TOPBP1: variants seen among roughly 807,000 people sequenced by gnomAD.
TOPBP1 encodes the protein DNA topoisomerase 2-binding protein 1.
In TOPBP1, 28 loss-of-function variants were observed where a neutral mutation model predicts 167.7. That is an observed-to-expected ratio of 0.17 (90% CI 0.12 to 0.23). The LOEUF (loss-of-function observed/expected upper bound fraction) is 0.23, where lower values mean the gene tolerates loss of function less well. TOPBP1 is among the 10% of genes least tolerant of loss of function. TOPBP1 has a pLI of 1.00. For synonymous variants in TOPBP1, 598 were observed against 611.4 expected, an observed-to-expected ratio of 0.98 and a Z score of 0.32; for missense variants, 1,554 against 1,809.6, an observed-to-expected ratio of 0.86 and a Z score of 2.56.
chr3:133,610,636 T>C (rs1261098855), intron 25 of TOPBP1, among the ~76,000 whole-genome samples: 7 of 135,394 alleles, frequency 5.2e-5, no homozygotes, highest in Non-Finnish European at 9.5e-5. Context: ...GATTAAAATT[T>C]AAAAAAAAAA....
At chr3:133,624,249 T>G in intron 16 of TOPBP1, 74 bp from the exon 17 acceptor site, 1 of 1,534,310 alleles carries the variant, frequency 6.5e-7, no homozygotes. Context: ...TCTTATTTAC[T>G]GTGAACAGAA....
intron 21 of TOPBP1, 186 bp downstream of exon 21, chr3:133,618,027 A>G (rs1934956551): frequency 7.0e-6 from 4 of 570,740 alleles, no homozygotes; most frequent in Non-Finnish European, 9.3e-6. Flanking sequence ...TTTTCAATTT[A>G]CTGATGAAGT....
At chr3:133,625,054 C>T (rs984169063) in intron 16 of TOPBP1, among the ~76,000 whole-genome samples, 4 of 152,206 alleles carry the variant, frequency 2.6e-5, no homozygotes, top group African/African-American at 9.6e-5. Flanking sequence ...GCAATCTCCA[C>T]CTCCCGGGTT....
chr3:133,620,329 T>A lies in TOPBP1; in HGVS notation c.3197A>T (p.Glu1066Val). 6.2e-7 allele frequency: 1 copy of A among 1,613,786 alleles called. No individual in the cohort carries two copies. Among genetic ancestry groups the A allele is most frequent in the East Asian group, 2.2e-5 (1 of 44,878 alleles). ...DSKGVLTQTL[E>V]MRENFQKQLQ... is the part of the protein sequence containing the mutation. ...CTGCTTCTGAAAGTTCTCTCTCATC[T>A]CTAAGGTCTGTGTCAGAACTTGAAA... Residue 1066 changes from glutamate (E) to valine (V), a missense_variant, in exon 20 of 28, where the codon GAG becomes GTG. By Grantham distance (121) the Glu-to-Val change is moderately radical. Coordinates refer to ENST00000260810, the MANE Select transcript of TOPBP1 (RefSeq NM_007027.4).
intron 19 of TOPBP1, among the ~76,000 whole-genome samples, chr3:133,620,576 C>CTTTTTT: frequency 7.4e-6 from 1 of 135,080 alleles, no homozygotes; most frequent in Non-Finnish European, 1.6e-5. Context: ...CCTTCAAATA[C>CTTTTTT]TTTTTTTTTT....
At chr3:133,621,779 GA>G (rs1225995421) in intron 19 of TOPBP1, among the ~76,000 whole-genome samples, 4 of 152,184 alleles carry the variant, frequency 2.6e-5, no homozygotes, top group African/African-American at 9.7e-5. Context: ...AAGTCATAGG[GA>G]AAGCTTTGGT....
intron 24 of TOPBP1, 65 bp downstream of exon 24, chr3:133,612,324 G>C: frequency 6.3e-7 from 1 of 1,581,986 alleles, no homozygotes; most frequent in Non-Finnish European, 8.6e-7. Context: ...ACAGGTGTGA[G>C]CCACTGCACC....
intron 7 of TOPBP1, among the ~76,000 whole-genome samples, chr3:133,652,832 T>C (rs530234297): frequency 6.6e-6 from 1 of 152,210 alleles, no homozygotes; most frequent in African/African-American, 2.4e-5. Flanking sequence ...TAAATGAAAA[T>C]AGATTTAACA....
intron 14 of TOPBP1, among the ~76,000 whole-genome samples, chr3:133,632,740 G>T (rs1163311215): frequency 6.6e-6 from 1 of 151,984 alleles, no homozygotes; most frequent in Non-Finnish European, 1.5e-5. Flanking sequence ...TCATCAATTG[G>T]CTCTCTAATG....
chr3:133,651,171 C>CTTTTTTT, intron 8 of TOPBP1, among the ~76,000 whole-genome samples: 1 of 82,086 alleles, frequency 1.2e-5, no homozygotes, highest in Non-Finnish European at 2.2e-5. Context: ...CCGAATTTCC[C>CTTTTTTT]TTTTTTTTTT....
Position 133,612,532 on chromosome 3 carries a change from G to T in TOPBP1, c.3892C>A (p.Gln1298Lys). Residue 1298 changes from glutamine to lysine, a missense_variant, in exon 24 of 28, where the codon CAG (glutamine) becomes AAG (lysine). By Grantham distance (53) the Gln-to-Lys change is moderately conservative (BLOSUM62 1). Around this residue, in one of 3 missense-constraint regions of TOPBP1, gnomAD observed 351 missense variants for 432.9 expected, o/e 0.81. Transcript: ENST00000260810. ...TGTGTACAGGTGGGATCAAAGCACT[G>T]CTTTTCTATCACCAATCCACCTTAA... ...EKLGGLVIEK[Q>K]CFDPTCTHIV... 6.2e-7 allele frequency: 1 copy of T among 1,613,318 alleles called. No individual in the cohort carries two copies. The highest frequency in any genetic ancestry group is 8.5e-7 in the Non-Finnish European group (1 of 1,179,580).
intron 25 of TOPBP1, 47 bp downstream of exon 25, chr3:133,610,957 C>T (rs527826169): frequency 2.0e-6 from 3 of 1,469,110 alleles, no homozygotes; most frequent in South Asian, 3.1e-5. Context: ...GAAAGAGTCA[C>T]AATATTGAAT....
intron 10 of TOPBP1, among the ~76,000 whole-genome samples, chr3:133,648,070 C>A (rs1936142643): frequency 6.6e-6 from 1 of 152,086 alleles, no homozygotes; most frequent in Non-Finnish European, 1.5e-5. Flanking sequence ...ACACAAAAAC[C>A]AAAAGGAAGA....
rs748174854 is a variant in TOPBP1, at chr3:133,653,488, T to C, written c.779A>G (p.His260Arg). ...AAAAAACCACTGTGTGGTCACACAG[T>C]GTACATTCCATCTCTTGGCACACTC... is the stretch of plus-strand genomic sequence containing the variant. ...KYECAKRWNV[H>R]CVTTQWFFDS... Residue 260 changes from histidine to arginine, a missense_variant, in exon 7 of 28, where the codon CAC becomes CGC. His to Arg is a conservative substitution (Grantham distance 29, BLOSUM62 0). Around this residue, in one of 3 missense-constraint regions of TOPBP1, gnomAD observed 1,197 missense variants for 1,351.5 expected, o/e 0.89. Transcript: ENST00000260810. The C allele has an allele frequency of 1.0e-5, 16 of 1,606,142 alleles. No homozygotes were observed. Among genetic ancestry groups the C allele is most frequent in the East Asian group, 9.0e-5 (4 of 44,458 alleles).
chr3:133,657,798 C>A lies in TOPBP1; in HGVS notation c.363G>T (p.Arg121Ser). Reference protein sequence around the residue: ...ISCTSLEKEKREEVHKYVQMM... With the variant: ...ISCTSLEKEKSEEVHKYVQMM... ...CAATCATCATGAGATCAATATCTAC[C>A]CTTTTTTCTTTTTCCAGACTTGTAC... is the stretch of plus-strand genomic sequence containing the variant. Residue 121 changes from arginine (R) to serine (S), a missense_variant and splice_region_variant, in exon 4 of 28, where the codon AGG becomes AGT. Physicochemically the swap from Arg to Ser is moderately radical, Grantham distance 110 (BLOSUM62 -1). This residue lies in a region of TOPBP1 where 1,197 missense variants were observed against 1,351.5 expected (regional missense o/e 0.89). Transcript: ENST00000260810. The A allele has an allele frequency of 6.5e-7, 1 of 1,532,978 alleles. No homozygotes were observed. The highest frequency in any genetic ancestry group is 1.3e-5 in the South Asian group (1 of 77,832). 95.0% of individuals were successfully genotyped at this position (1,532,978 alleles called of 1,614,324 possible).
At position 133,656,664 on chromosome 3, in the gene TOPBP1, T is replaced by A. The variant is rs2107835305; in HGVS notation, c.545+12A>T. The A allele has an allele frequency of 2.5e-6, 4 of 1,575,972 alleles. No homozygotes were observed. Among genetic ancestry groups the A allele is most frequent in the Non-Finnish European group, 8.6e-7 (1 of 1,163,836 alleles). ...TTTTCAAATCTAGAAAATATAAAAA[T>A]GTCTTTCTTACTTCTCTTGTGACTT... On this transcript the variant is annotated intron_variant, in intron 5 of 27. Transcript: ENST00000260810.
At chr3:133,612,709 T>C (rs547455535) in intron 23 of TOPBP1, among the ~76,000 whole-genome samples, 157 bp from the exon 24 acceptor site, 2 of 152,134 alleles carry the variant, frequency 1.3e-5, no homozygotes, top group Non-Finnish European at 1.5e-5. Flanking sequence ...TTACTTTATA[T>C]ACATATATAT....
At chr3:133,613,208 C>G (rs755160005) in intron 23 of TOPBP1, among the ~76,000 whole-genome samples, 2 of 152,094 alleles carry the variant, frequency 1.3e-5, no homozygotes, top group African/African-American at 2.4e-5. Context: ...TTACTGACCC[C>G]TAAGTATTTC....
At chr3:133,619,536 C>T (rs1473434600) in intron 20 of TOPBP1, among the ~76,000 whole-genome samples, 1 of 151,962 alleles carries the variant, frequency 6.6e-6, no homozygotes, top group African/African-American at 2.4e-5. Flanking sequence ...ATCACCTTTT[C>T]TAGAAGATAA....
Sources: allele counts gnomAD v4.1 joint callset (sites outside exome capture counted in the v4.1 genomes callset), GRCh38; gene constraint gnomAD v4.1.1; regional missense constraint gnomAD v4.1.1; transcripts MANE v1.5; gene names NCBI Gene and HGNC (gene_info 2026-07-23, HGNC 2026-07-21).